TMEM131: variants seen among roughly 807,000 people sequenced by gnomAD.
TMEM131 encodes 2610524E03Rik.
A neutral mutation model predicts 211.6 loss-of-function variants in TMEM131; 66 were observed. That is an observed-to-expected ratio of 0.31 (90% CI 0.26 to 0.38). TMEM131 has a LOEUF of 0.38. Among genes scored for constraint, TMEM131 ranks in the 10% least tolerant of loss-of-function variants. The pLI, the probability that TMEM131 is intolerant of heterozygous loss-of-function variation, is 1.00. For missense variants in TMEM131, 2,036 were observed against 2,299.3 expected (o/e 0.89, Z 2.34); for synonymous variants, 844 against 841.3 (o/e 1.00, Z -0.06).
chr2:97,788,370 T>G (rs1680348048), intron 31 of TMEM131, among the ~76,000 whole-genome samples: 1 of 152,202 alleles, frequency 6.6e-6, no homozygotes, highest in African/African-American at 2.4e-5. Flanking sequence ...TTGTCTATTT[T>G]GTGTTTCTAC....
At chr2:97,932,305 A>C (rs1677259941) in intron 1 of TMEM131, among the ~76,000 whole-genome samples, 1 of 152,324 alleles carries the variant, frequency 6.6e-6, no homozygotes, top group East Asian at 1.9e-4. Context: ...CTTCGAGCTT[A>C]AAGACATTTT....
At chr2:97,994,706 T>C (rs1680413904) in intron 1 of TMEM131, among the ~76,000 whole-genome samples, 1 of 152,034 alleles carries the variant, frequency 6.6e-6, no homozygotes. Flanking sequence ...TACACTGATT[T>C]GGTCTTCAAG....
chr2:97,902,135 A>C (rs1212143785), intron 3 of TMEM131, among the ~76,000 whole-genome samples: 6 of 152,212 alleles, frequency 3.9e-5, no homozygotes, highest in Non-Finnish European at 8.8e-5. Context: ...ATACAGAGAG[A>C]AACAAATAAA....
intron 1 of TMEM131, among the ~76,000 whole-genome samples, chr2:97,963,450 C>G (rs1400450435): frequency 6.6e-6 from 1 of 152,180 alleles, no homozygotes; most frequent in Non-Finnish European, 1.5e-5. Context: ...TATGGTGGCT[C>G]ATGCCTGTAA....
chr2:97,843,810 T>C, intron 6 of TMEM131, among the ~76,000 whole-genome samples: 1 of 152,258 alleles, frequency 6.6e-6, no homozygotes, highest in East Asian at 1.9e-4. Context: ...TAGACATGAA[T>C]GTTTTAATCT....
intron 17 of TMEM131, 151 bp downstream of exon 17, chr2:97,812,270 A>G (rs940109482): frequency 4.9e-6 from 4 of 813,098 alleles, no homozygotes; most frequent in African/African-American, 1.7e-5. Context: ...GGGTTGAATT[A>G]CATTACCTAT....
intron 4 of TMEM131, among the ~76,000 whole-genome samples, chr2:97,881,843 G>C (rs1037225248): frequency 6.6e-6 from 1 of 152,014 alleles, no homozygotes; most frequent in Non-Finnish European, 1.5e-5. Flanking sequence ...AAAAAGAGCA[G>C]TGATTTGTGG....
chr2:97,792,153 C>T (rs1345669135), intron 31 of TMEM131, among the ~76,000 whole-genome samples: 1 of 152,206 alleles, frequency 6.6e-6, no homozygotes, highest in East Asian at 1.9e-4. Context: ...AGCAGATGTC[C>T]ACAGAATTTC....
intron 4 of TMEM131, among the ~76,000 whole-genome samples, chr2:97,871,302 C>T (rs1171983338): frequency 6.6e-6 from 1 of 152,168 alleles, no homozygotes; most frequent in Non-Finnish European, 1.5e-5. Flanking sequence ...TGTCCTTTGT[C>T]ATTTCTGGGA....
intron 3 of TMEM131, among the ~76,000 whole-genome samples, chr2:97,903,162 C>A (rs531637970): frequency 4.2e-4 from 64 of 152,136 alleles, no homozygotes; most frequent in Middle Eastern, 3.4e-3. Context: ...TAGGTTGTTC[C>A]AGGGCTGTGG....
chr2:97,916,265 T>C (rs1435932883), intron 2 of TMEM131, among the ~76,000 whole-genome samples: 1 of 152,214 alleles, frequency 6.6e-6, no homozygotes, highest in Non-Finnish European at 1.5e-5. Context: ...TACCACTTAT[T>C]GTACTACAAT....
intron 1 of TMEM131, among the ~76,000 whole-genome samples, chr2:97,945,410 A>T (rs1317568166): frequency 6.6e-6 from 1 of 152,152 alleles, no homozygotes; most frequent in Non-Finnish European, 1.5e-5. Flanking sequence ...ATACTTCAAA[A>T]ACCCACTGAA....
Position 97,962,229 on chromosome 2 carries a change from C to T in TMEM131, c.187+33247G>A, listed in dbSNP as rs186687867. Among the ~76,000 whole-genome samples the T allele has an allele frequency of 4.2e-4, 64 of 152,262 alleles. 2 individuals are homozygous for T. In the East Asian group the frequency reaches 0.012, roughly 28 times the overall value. On this transcript the variant is annotated intron_variant, in intron 1 of 40. Transcript: ENST00000186436. ...CTTAAAAAATGAAAAGGCTGCCTGGCGCAGTGGCTCACGCCTGTAATCCCA... is the reference window on the plus strand; with the variant it reads ...CTTAAAAAATGAAAAGGCTGCCTGGTGCAGTGGCTCACGCCTGTAATCCCA...
At chr2:97,798,262 C>T (rs999134961) in intron 25 of TMEM131, among the ~76,000 whole-genome samples, 3 of 152,210 alleles carry the variant, frequency 2.0e-5, no homozygotes, top group African/African-American at 7.2e-5. Context: ...TCACAGGTCA[C>T]ATATAAGGAT....
intron 4 of TMEM131, among the ~76,000 whole-genome samples, chr2:97,865,083 T>C (rs1030568104): frequency 2.6e-5 from 4 of 152,262 alleles, no homozygotes; most frequent in Non-Finnish European, 4.4e-5. Flanking sequence ...TTTATGTGTA[T>C]GTATGGAACT....
intron 7 of TMEM131, among the ~76,000 whole-genome samples, chr2:97,840,680 C>T (rs1573444035): frequency 6.6e-6 from 1 of 152,054 alleles, no homozygotes; most frequent in African/African-American, 2.4e-5. Flanking sequence ...ACACCATTAC[C>T]TAAAGTATCA....
intron 31 of TMEM131, among the ~76,000 whole-genome samples, chr2:97,778,001 A>G (rs564371426): frequency 6.6e-6 from 1 of 152,330 alleles, no homozygotes; most frequent in East Asian, 1.9e-4. Context: ...CCAGGCTGAG[A>G]ATACTTCAAA....
intron 1 of TMEM131, among the ~76,000 whole-genome samples, chr2:97,947,594 C>T (rs1424907503): frequency 6.6e-6 from 1 of 152,090 alleles, no homozygotes; most frequent in Non-Finnish European, 1.5e-5. Flanking sequence ...CATGTTCATG[C>T]ATCAAAAGAA....
In TMEM131 at chr2:97,757,105, C is replaced by A. The variant is rs1043164235; in HGVS notation, c.5646G>T (p.Glu1882Asp). Residue 1882 changes from glutamate to aspartate, a missense_variant, in exon 41 of 41, where the codon GAG (glutamate) becomes GAT (aspartate). Transcript: ENST00000186436. ...TGTTTGTTTTTTGCTTAATTTAATT[C>A]TCGTGAGGAAAGTGCGAATTAGACC... is the stretch of plus-strand genomic sequence containing the variant. ...DPWSNSHFPH[E>D]N 1 of 1,586,696 alleles carries A rather than the reference C, an allele frequency of 6.3e-7. No individual in the cohort carries two copies. The highest frequency in any genetic ancestry group is 8.6e-7 in the Non-Finnish European group (1 of 1,163,378).
Sources: allele counts gnomAD v4.1 joint callset (sites outside exome capture counted in the v4.1 genomes callset), GRCh38; gene constraint gnomAD v4.1.1; transcripts MANE v1.5; gene names NCBI Gene and HGNC (gene_info 2026-07-23, HGNC 2026-07-21).